The following EPN2 variants were observed in gnomAD, a reference collection of about 807,000 sequenced individuals.
EPN2 encodes epsin-2.
In EPN2, 34 loss-of-function variants were observed where a neutral mutation model predicts 61.7. The ratio of observed to expected loss-of-function variants is 0.55; its 90% confidence interval spans 0.42 to 0.73. The LOEUF (loss-of-function observed/expected upper bound fraction) is 0.73, where lower values mean the gene tolerates loss of function less well. Ranked by LOEUF, EPN2 falls within the 30% of genes least tolerant of loss-of-function variation. The probability of loss-of-function intolerance (pLI) is 0.00; values close to 1 mark genes in which losing one functional copy is unlikely to be tolerated. For missense variants in EPN2, 714 were observed against 839.2 expected, an observed-to-expected ratio of 0.85 and a Z score of 1.84; for synonymous variants, 349 against 353.6, an observed-to-expected ratio of 0.99 and a Z score of 0.15.
chr17:19,331,202 T>C, intron 9 of EPN2, among the ~76,000 whole-genome samples: 1 of 152,166 alleles, frequency 6.6e-6, no homozygotes, highest in Non-Finnish European at 1.5e-5. Flanking sequence ...GGGAGGACAT[T>C]TTAGGTTGAT....
chr17:19,332,336 C>A (rs1343872953), intron 10 of EPN2, among the ~76,000 whole-genome samples: 1 of 152,112 alleles, frequency 6.6e-6, no homozygotes, highest in African/African-American at 2.4e-5. Context: ...TTGGTGCCCC[C>A]CCAGTTGTGA....
chr17:19,249,928 C>T (rs551719081), intron 1 of EPN2, among the ~76,000 whole-genome samples: 1 of 152,104 alleles, frequency 6.6e-6, no homozygotes, highest in Admixed American at 6.5e-5. Flanking sequence ...GGCTCGTGCT[C>T]CTTCCATCTT....
chr17:19,248,251 C>G (rs976870871), intron 1 of EPN2: 2 of 152,228 alleles, frequency 1.3e-5, no homozygotes, highest in African/African-American at 4.8e-5. Context: ...TGAAATACGC[C>G]TCTAAGCTAC....
At chr17:19,265,191 G>A (rs1389560815) in intron 1 of EPN2, among the ~76,000 whole-genome samples, 2 of 152,008 alleles carry the variant, frequency 1.3e-5, no homozygotes, top group African/African-American at 2.4e-5. Context: ...CCAGGAGTTC[G>A]AGACCAGCCT....
At position 19,283,818 on chromosome 17, in the gene EPN2, C is replaced by T. The variant is rs1253940714; in HGVS notation, c.595+104C>T. Reference sequence around the variant, plus strand: ...AGGGAGTGGTGGCCACTGCAGAGCTCGAACCTGTCCTCAGTACCCAGCTTT... The same window carrying T: ...AGGGAGTGGTGGCCACTGCAGAGCTTGAACCTGTCCTCAGTACCCAGCTTT... On this transcript the variant is annotated intron_variant, in intron 3 of 10. Transcript: ENST00000314728. This position sits in a 1 kb window ranked among gnomAD's most constrained non-coding sequence, Gnocchi z 7.0. 18 of 824,072 alleles carry T rather than the reference C, an allele frequency of 2.2e-5. No homozygotes were observed. The highest frequency in any genetic ancestry group is 3.5e-4 in the Middle Eastern group (1 of 2,822). 51.0% of individuals were successfully genotyped at this position (824,072 alleles called of 1,614,324 possible).
intron 4 of EPN2, chr17:19,296,579 C>G (rs1294052572): frequency 6.6e-6 from 1 of 152,062 alleles, no homozygotes; most frequent in Non-Finnish European, 1.5e-5. Flanking sequence ...GCAAAGACAA[C>G]TGTTATTCAC....
chr17:19,316,141 T>C (rs1567865996), intron 7 of EPN2, among the ~76,000 whole-genome samples: 1 of 152,250 alleles, frequency 6.6e-6, no homozygotes, highest in Non-Finnish European at 1.5e-5. Flanking sequence ...CAGCAATTGA[T>C]GGATATTTGG....
chr17:19,289,274 T>C (rs4079585), intron 4 of EPN2, among the ~76,000 whole-genome samples: 145,622 of 151,678 alleles, frequency 0.96, 70,308 homozygotes, highest in African/African-American at 0.99. Flanking sequence ...TTAGTAGAGA[T>C]GAGGTTTCAT....
At chr17:19,323,467 A>C (rs6587217) in intron 7 of EPN2, among the ~76,000 whole-genome samples, 146,190 of 152,270 alleles carry the variant, frequency 0.96, 70,579 homozygotes, top group African/African-American at 0.99. Flanking sequence ...GGTGAATCCT[A>C]AGCAAGATAA....
intron 4 of EPN2, chr17:19,308,285 G>C (rs1905947966): frequency 1.3e-6 from 1 of 799,834 alleles, no homozygotes; most frequent in African/African-American, 1.9e-5. Context: ...TTTTGGCCAG[G>C]CTTGTCTAGA....
chr17:19,290,710 A>AAAG (rs1427273415), intron 4 of EPN2, among the ~76,000 whole-genome samples: 3 of 79,630 alleles, frequency 3.8e-5, no homozygotes, highest in Middle Eastern at 5.0e-3. Context: ...CAAAAAAAAA[A>AAAG]AAAAAGAAAA....
rs1907279047 is a variant in EPN2 at position 19,333,947 on chromosome 17, T to C, written c.1628-9T>C. 6.6e-7 allele frequency: 1 copy of C among 1,519,358 alleles called. No homozygotes were observed. The highest frequency in any genetic ancestry group is 2.0e-5 in the Admixed American group (1 of 49,186). 94.1% of individuals were successfully genotyped at this position (1,519,358 alleles called of 1,614,324 possible). Reference sequence around the variant, plus strand: ...GGCTCAGCCTCTGCCCCTCCTTCTGTCTCCCCAGGTGCTCCCGCCACCTCG... The same window carrying C: ...GGCTCAGCCTCTGCCCCTCCTTCTGCCTCCCCAGGTGCTCCCGCCACCTCG... On this transcript the variant is annotated splice_polypyrimidine_tract_variant and intron_variant, in intron 10 of 10. Coordinates refer to ENST00000314728, the MANE Select transcript of EPN2 (RefSeq NM_014964.5).
intron 4 of EPN2, among the ~76,000 whole-genome samples, chr17:19,293,609 T>C (rs1262209884): frequency 6.7e-6 from 1 of 148,528 alleles, no homozygotes; most frequent in Non-Finnish European, 1.5e-5. Flanking sequence ...CCCAGGCTGA[T>C]CTGGAACTCC....
At chr17:19,280,372 G>A (rs913550068) in intron 1 of EPN2, among the ~76,000 whole-genome samples, 4 of 152,146 alleles carry the variant, frequency 2.6e-5, no homozygotes, top group African/African-American at 4.8e-5. Flanking sequence ...TCTTTGTGAG[G>A]CCCATCGTAT....
intron 7 of EPN2, among the ~76,000 whole-genome samples, chr17:19,317,191 T>C (rs1906422772): frequency 6.6e-6 from 1 of 152,234 alleles, no homozygotes; most frequent in African/African-American, 2.4e-5. Context: ...TTACCAGTTT[T>C]TTCCAAGCAG....
rs58087532 is a variant in EPN2, at chr17:19,289,724, G to GTTTTTTTTTTTT, written c.766+3943_766+3954dup. 3.8e-4 allele frequency among the ~76,000 whole-genome samples: 30 copies of GTTTTTTTTTTTT among 78,046 alleles called. 3 individuals are homozygous for GTTTTTTTTTTTT. Among genetic ancestry groups the GTTTTTTTTTTTT allele is most frequent in the East Asian group, 2.3e-3 (4 of 1,734 alleles). The allele number at this position is 78,046 out of a possible 152,430, so 51.2% of individuals were successfully genotyped here. A position where few individuals can be genotyped will look rare whatever the true frequency, so the allele number is the denominator to read the frequency against. ...TGTTCGGCCTCACCTGGCGCTCATG[G>GTTTTTTTTTTTT]TTTTTTTTTTTTTTTTTTTTGAGAT... On this transcript the variant is annotated intron_variant, in intron 4 of 10. Transcript: ENST00000314728.
chr17:19,245,955 A>G (rs908167972), intron 1 of EPN2, among the ~76,000 whole-genome samples: 13 of 151,728 alleles, frequency 8.6e-5, no homozygotes, highest in Middle Eastern at 3.4e-3. Flanking sequence ...GTGAGCCACC[A>G]TGCCCGGCCC....
At chr17:19,310,784 G>A (rs573304252) in intron 5 of EPN2, among the ~76,000 whole-genome samples, 3 of 151,948 alleles carry the variant, frequency 2.0e-5, no homozygotes, top group Admixed American at 2.0e-4. Context: ...CACCATGTTG[G>A]TCGGGCTGGT....
chr17:19,291,853 G>A (rs1242681441), intron 4 of EPN2, among the ~76,000 whole-genome samples: 1 of 152,122 alleles, frequency 6.6e-6, no homozygotes, highest in Non-Finnish European at 1.5e-5. Flanking sequence ...GACTCTCTAC[G>A]GAAGCTGTCT....
Sources: gnomAD v4.1 joint callset for allele counts (sites outside exome capture counted in the v4.1 genomes callset) on GRCh38, gnomAD v4.1.1 for gene constraint, Gnocchi (gnomAD v3.1) non-coding constraint, MANE v1.5 for transcripts, NCBI Gene and HGNC (gene_info 2026-07-23, HGNC 2026-07-21) for gene names.